Variants in SPMAP2 observed in about 807,000 individuals in gnomAD.
SPMAP2 encodes sperm microtubule associated protein 2, also known as Theg homolog.
chr19:367,453 AC>A, the SPMAP2 span, among the ~76,000 whole-genome samples: 2 of 152,208 alleles, frequency 1.3e-5, no homozygotes, highest in Non-Finnish European at 2.9e-5. Context: ...CAGGAGACAA[AC>A]CCTAAATGGT....
the SPMAP2 span, chr19:362,497 G>GGATTCCAGGTGT: frequency 7.7e-7 from 1 of 1,302,804 alleles, no homozygotes; most frequent in Non-Finnish European, 1.1e-6. Flanking sequence ...GCTGGGCATG[G>GGATTCCAGGTGT]GAGCTCACAC....
At chr19:364,294 G>C in the SPMAP2 span, among the ~76,000 whole-genome samples, 1 of 138,372 alleles carries the variant, frequency 7.2e-6, no homozygotes, top group African/African-American at 2.8e-5. Context: ...CTGAGATCGC[G>C]CCACTGCGCT....
chr19:374,231 G>T, the SPMAP2 span: 1 of 1,590,732 alleles, frequency 6.3e-7, no homozygotes, highest in Non-Finnish European at 8.6e-7. Flanking sequence ...GACAGGAGGA[G>T]CCCGGGAAGG....
the SPMAP2 span, among the ~76,000 whole-genome samples, chr19:370,483 A>G: frequency 1.3e-5 from 2 of 149,534 alleles, no homozygotes; most frequent in Non-Finnish European, 3.0e-5. Flanking sequence ...TTGGGACTAC[A>G]GGCGCCCGCC....
chr19:371,234 C>A, the SPMAP2 span: 1 of 1,498,566 alleles, frequency 6.7e-7, no homozygotes, highest in Middle Eastern at 1.8e-4. Flanking sequence ...CAGAAGTTAT[C>A]ACGAATCTTC....
At chr19:375,644 C>T in the SPMAP2 span, 1 of 1,535,336 alleles carries the variant, frequency 6.5e-7, no homozygotes. Flanking sequence ...CCCAGGCAGG[C>T]CCGTTCCCCG....
At chr19:375,499 C>T in the SPMAP2 span, among the ~76,000 whole-genome samples, 1 of 152,178 alleles carries the variant, frequency 6.6e-6, no homozygotes, top group Non-Finnish European at 1.5e-5. Flanking sequence ...ACCAAGCCCA[C>T]ACCTAGGCTG....
At chr19:372,650 C>G in the SPMAP2 span, 2 of 1,614,072 alleles carry the variant, frequency 1.2e-6, no homozygotes, top group Non-Finnish European at 1.7e-6. Context: ...TTGTAATATT[C>G]CAGGTAGAAT....
At chr19:370,815 G>A in the SPMAP2 span, among the ~76,000 whole-genome samples, 1 of 151,946 alleles carries the variant, frequency 6.6e-6, no homozygotes, top group South Asian at 2.1e-4. Flanking sequence ...GCAGAAGCCG[G>A]GTCAAGCCCG....
chr19:373,397 G>A, the SPMAP2 span: 1 of 1,448,620 alleles, frequency 6.9e-7, no homozygotes, highest in East Asian at 2.3e-5. Context: ...GAAGTATCTA[G>A]ATGGGGCGGG....
the SPMAP2 span, among the ~76,000 whole-genome samples, chr19:367,766 C>CCA: frequency 6.6e-6 from 1 of 152,084 alleles, no homozygotes. Context: ...AGCTTAGTTA[C>CCA]CACACACACA....
At chr19:369,944 G>A in the SPMAP2 span, among the ~76,000 whole-genome samples, 9 of 152,184 alleles carry the variant, frequency 5.9e-5, no homozygotes, top group South Asian at 2.1e-4. Context: ...GGATGTATAC[G>A]TGCAAGTCAC....
the SPMAP2 span, among the ~76,000 whole-genome samples, chr19:367,802 C>T: frequency 2.0e-5 from 3 of 152,094 alleles, no homozygotes; most frequent in Admixed American, 6.5e-5. Flanking sequence ...GGCGCCCGGC[C>T]GCTGGGGGCT....
At chr19:362,046 C>G in the SPMAP2 span, 1 of 481,606 alleles carries the variant, frequency 2.1e-6, no homozygotes, top group South Asian at 7.0e-5. Context: ...AACAGCTGGA[C>G]AAGTCGCAGG....
At chr19:373,362 C>G in the SPMAP2 span, 239 of 1,049,206 alleles carry the variant, frequency 2.3e-4, 1 homozygote, top group African/African-American at 3.3e-3. Context: ...ACAGAGGCTC[C>G]GAGGAGATGG....
chr19:366,033 C>T, the SPMAP2 span, among the ~76,000 whole-genome samples: 1 of 151,792 alleles, frequency 6.6e-6, no homozygotes, highest in African/African-American at 2.4e-5. Context: ...CCCAGCTACT[C>T]GGGAAGCCGA....
chr19:375,851 C>G, the SPMAP2 span: 3 of 1,601,696 alleles, frequency 1.9e-6, no homozygotes, highest in Admixed American at 5.1e-5. Context: ...CTGTGACCCG[C>G]CGGCTCTCGT....
the SPMAP2 span, chr19:374,547 T>G: frequency 2.9e-6 from 4 of 1,359,482 alleles, no homozygotes; most frequent in South Asian, 2.8e-5. Context: ...CCGCCTCTCC[T>G]TTCCCTCGAG....
the SPMAP2 span, among the ~76,000 whole-genome samples, chr19:369,012 C>A: frequency 6.6e-6 from 1 of 152,246 alleles, no homozygotes; most frequent in Non-Finnish European, 1.5e-5. Flanking sequence ...ATGTTGGTAT[C>A]ACGGAACCAC....
Sources: allele counts gnomAD v4.1 joint callset (sites outside exome capture counted in the v4.1 genomes callset), GRCh38; gene constraint gnomAD v4.1.1; transcripts MANE v1.5; gene names NCBI Gene and HGNC (gene_info 2026-07-23, HGNC 2026-07-21).